The following CSMD1 variants were observed in gnomAD, a reference collection of about 807,000 sequenced individuals.
CSMD1 encodes CUB and Sushi multiple domains 1, also known as CUB and sushi domain-containing protein 1.
Under a neutral mutation model 417.5 loss-of-function variants are expected in CSMD1, and 213 were observed. That is an observed-to-expected ratio of 0.51 (90% CI 0.46 to 0.57). The LOEUF (loss-of-function observed/expected upper bound fraction) is 0.57. Among genes scored for constraint, CSMD1 ranks in the 20% least tolerant of loss-of-function variants. The pLI is 0.00. For missense variants in CSMD1, 6,923 were observed against 4,529.7 expected (o/e 1.53, Z -15.17); for synonymous variants, 2,862 against 1,736.8 (o/e 1.65, Z -16.11).
At chr8:4,151,538 C>G (rs1035692913) in intron 3 of CSMD1, among the ~76,000 whole-genome samples, 4 of 152,126 alleles carry the variant, frequency 2.6e-5, no homozygotes, top group African/African-American at 9.7e-5. Context: ...TTATCATAGA[C>G]TTATACCATA....
intron 10 of CSMD1, among the ~76,000 whole-genome samples, chr8:3,495,509 T>G (rs754723247): frequency 2.0e-5 from 3 of 152,210 alleles, no homozygotes; most frequent in Non-Finnish European, 4.4e-5. Flanking sequence ...AGAAAGTCTT[T>G]GTCAGTATTT....
intron 5 of CSMD1, among the ~76,000 whole-genome samples, chr8:3,899,957 G>C (rs180823790): frequency 3.8e-4 from 58 of 152,380 alleles, no homozygotes; most frequent in Non-Finnish European, 6.6e-4. Context: ...GGGAAGGGTA[G>C]TTGCTCTCCA....
At chr8:4,369,263 C>T (rs1802265912) in intron 3 of CSMD1, among the ~76,000 whole-genome samples, 2 of 152,006 alleles carry the variant, frequency 1.3e-5, no homozygotes, top group Admixed American at 1.3e-4. Context: ...TCTGATGGGT[C>T]TTTCTGATAC....
intron 52 of CSMD1, among the ~76,000 whole-genome samples, chr8:3,008,982 GT>G (rs1808178070): frequency 6.6e-6 from 1 of 152,196 alleles, no homozygotes; most frequent in Non-Finnish European, 1.5e-5. Context: ...TTGGAAATGG[GT>G]TCCCTGATTT....
intron 1 of CSMD1, among the ~76,000 whole-genome samples, chr8:4,872,862 G>A (rs573107006): frequency 1.3e-5 from 2 of 152,046 alleles, no homozygotes; most frequent in Non-Finnish European, 2.9e-5. Context: ...CTGGATATTG[G>A]CTCATACTGG....
At chr8:4,830,266 T>C (rs1214540172) in intron 1 of CSMD1, among the ~76,000 whole-genome samples, 1 of 152,322 alleles carries the variant, frequency 6.6e-6, no homozygotes, top group Middle Eastern at 3.4e-3. Context: ...GAATTCAAGC[T>C]TGGTAAAGAA....
intron 3 of CSMD1, among the ~76,000 whole-genome samples, chr8:4,125,789 A>G (rs941501758): frequency 1.3e-5 from 2 of 151,030 alleles, no homozygotes; most frequent in Non-Finnish European, 2.9e-5. Flanking sequence ...GCCCTTATCA[A>G]TTGATCAATT....
At chr8:3,317,288 T>C (rs1444066486) in intron 23 of CSMD1, among the ~76,000 whole-genome samples, 1 of 152,226 alleles carries the variant, frequency 6.6e-6, no homozygotes, top group Non-Finnish European at 1.5e-5. Flanking sequence ...TTTGGATATG[T>C]TAGGAGCATG....
chr8:2,952,324 C>A lies in CSMD1; in HGVS notation c.10040-1049G>T, dbSNP rs73499045. Among the ~76,000 whole-genome samples the A allele has an allele frequency of 8.0e-3, 1,222 of 152,210 alleles. 15 individuals are homozygous for A. The highest frequency in any genetic ancestry group is 0.028 in the African/African-American group (1,149 of 41,550). ...CATTTATAGTCGCAAATAATGAGGACAAAAGTATATTGTTCCTATACCCAT... is the reference window on the plus strand; with the variant it reads ...CATTTATAGTCGCAAATAATGAGGAAAAAAGTATATTGTTCCTATACCCAT... On this transcript the variant is annotated intron_variant, in intron 65 of 69. Coordinates refer to ENST00000635120, the MANE Select transcript of CSMD1 (RefSeq NM_033225.6).
chr8:4,195,767 T>C (rs73658471), intron 3 of CSMD1, among the ~76,000 whole-genome samples: 3,961 of 152,192 alleles, frequency 0.026, 190 homozygotes, highest in African/African-American at 0.088. Flanking sequence ...CAGGAGGTAG[T>C]GGATTCTGCA....
At chr8:2,998,743 G>A (rs1807135695) in intron 53 of CSMD1, among the ~76,000 whole-genome samples, 1 of 152,132 alleles carries the variant, frequency 6.6e-6, no homozygotes, top group Non-Finnish European at 1.5e-5. Context: ...GAAATGCAGT[G>A]AACTGTCAAT....
At chr8:3,952,884 C>G (rs1233245404) in intron 5 of CSMD1, among the ~76,000 whole-genome samples, 1 of 152,132 alleles carries the variant, frequency 6.6e-6, no homozygotes, top group African/African-American at 2.4e-5. Context: ...TCATCTCTAA[C>G]CCAAGGCAAC....
chr8:3,599,800 C>G (rs1197968206), intron 8 of CSMD1, among the ~76,000 whole-genome samples: 4 of 152,208 alleles, frequency 2.6e-5, no homozygotes, highest in Admixed American at 2.6e-4. Context: ...CCACTTCTTT[C>G]CTCCTGTCTT....
intron 1 of CSMD1, among the ~76,000 whole-genome samples, chr8:4,941,696 T>A (rs1240380358): frequency 6.6e-6 from 1 of 152,064 alleles, no homozygotes; most frequent in Non-Finnish European, 1.5e-5. Context: ...TCCCTCTAGC[T>A]CAAGCAATTC....
At chr8:4,336,642 T>A (rs1371585295) in intron 3 of CSMD1, among the ~76,000 whole-genome samples, 1 of 152,178 alleles carries the variant, frequency 6.6e-6, no homozygotes, top group African/African-American at 2.4e-5. Context: ...CACATGAGCA[T>A]GCTTCACTTC....
At chr8:4,274,913 T>G (rs750304989) in intron 3 of CSMD1, among the ~76,000 whole-genome samples, 1 of 152,192 alleles carries the variant, frequency 6.6e-6, no homozygotes, top group Non-Finnish European at 1.5e-5. Flanking sequence ...GAAGGAAATG[T>G]TGTGTCTTGG....
intron 3 of CSMD1, among the ~76,000 whole-genome samples, chr8:4,191,110 A>C (rs994043476): frequency 6.6e-6 from 1 of 150,774 alleles, no homozygotes; most frequent in Non-Finnish European, 1.5e-5. Flanking sequence ...AAAAAAATTC[A>C]ACAAGGCCAG....
chr8:3,554,279 G>T (rs1000438229), intron 10 of CSMD1, among the ~76,000 whole-genome samples: 69 of 152,336 alleles, frequency 4.5e-4, no homozygotes, highest in African/African-American at 1.7e-3. Flanking sequence ...AAGTGGTAGG[G>T]AATATCTTAA....
At chr8:4,196,019 G>A (rs546339127) in intron 3 of CSMD1, among the ~76,000 whole-genome samples, 2 of 152,170 alleles carry the variant, frequency 1.3e-5, no homozygotes, top group Non-Finnish European at 2.9e-5. Context: ...AGACCATCCT[G>A]GCTAACACAG....
Sources: gnomAD v4.1 joint callset for allele counts (sites outside exome capture counted in the v4.1 genomes callset) on GRCh38, gnomAD v4.1.1 for gene constraint, MANE v1.5 for transcripts, NCBI Gene and HGNC (gene_info 2026-07-23, HGNC 2026-07-21) for gene names.